The following PACRGL variants were observed in gnomAD, a reference collection of about 807,000 sequenced individuals.
The protein encoded by PACRGL is PACRG-like protein.
In PACRGL, 38 loss-of-function variants were observed where a neutral mutation model predicts 34.5. The observed-to-expected ratio is 1.10, with a 90% CI of 0.85 to 1.44. PACRGL has a LOEUF of 1.44. Among genes scored for constraint, PACRGL ranks in the 40% most tolerant of loss-of-function variants. PACRGL has a pLI of 0.00. For synonymous variants in PACRGL, 128 were observed against 100.1 expected, an observed-to-expected ratio of 1.28 and a Z score of -1.66; for missense variants, 305 against 281.4, an observed-to-expected ratio of 1.08 and a Z score of -0.60.
rs1747703544 is a variant in PACRGL, at chr4:20,730,278, C to G, written c.*2937C>G. 1.0e-6 allele frequency: 1 copy of G among 997,996 alleles called. No individual in the cohort carries two copies. Among genetic ancestry groups the G allele is most frequent in the African/African-American group, 1.7e-5 (1 of 60,402 alleles). The allele number at this position is 997,996 out of a possible 1,614,324, so 61.8% of individuals were successfully genotyped here. A position where few individuals can be genotyped will look rare whatever the true frequency, so the allele number is the denominator to read the frequency against. ...ATTAAGTGTTTGCAAATGTAAATGC[C>G]ATTCTATTCTATCCATTTTCCACAT... On this transcript the variant is annotated 3_prime_UTR_variant, in exon 9 of 9. Transcript: ENST00000503585.
chr4:20,733,084 T>A (rs572800515), downstream of PACRGL, among the ~76,000 whole-genome samples: 1 of 152,332 alleles, frequency 6.6e-6, no homozygotes, highest in East Asian at 1.9e-4. Context: ...TGGATTTCTA[T>A]AGACTTTAAG....
Position 20,749,819 on chromosome 4 carries a change from CAGA to C in PACRGL, c.*57-2741_*57-2739del, listed in dbSNP as rs1490629727. The C allele has an allele frequency of 2.9e-4, 235 of 808,856 alleles. 1 individual carries two copies. The East Asian group carries it at 6.2e-3, about 22-fold the overall frequency. 50.1% of individuals were successfully genotyped at this position (808,856 alleles called of 1,614,324 possible). A position where few individuals can be genotyped will look rare whatever the true frequency, so the allele number is the denominator to read the frequency against. On this transcript the variant is annotated intron_variant, in intron 8 of 8. Coordinates refer to the PACRGL transcript ENST00000507634. ...ATAGCAGTCCAAGCTTCCTTTGATC[CAGA>C]AGAATTAACTCTGCCTCCTTTAGTT...
upstream of PACRGL, among the ~76,000 whole-genome samples, chr4:20,699,234 T>A (rs67471079): frequency 0.15 from 22,329 of 146,738 alleles, 1,977 homozygotes; most frequent in East Asian, 0.33. Context: ...TTTTTTTTTT[T>A]AAAAATTTCT....
intron 8 of PACRGL, among the ~76,000 whole-genome samples, chr4:20,742,925 GACAA>G (rs952047100): frequency 4.5e-4 from 69 of 152,094 alleles, no homozygotes; most frequent in African/African-American, 1.2e-3. Flanking sequence ...ACCAATAATA[GACAA>G]ACAGAGCCAA....
chr4:20,712,239 T>TCTTTTC (rs1236524595), intron 5 of PACRGL, among the ~76,000 whole-genome samples: 1 of 151,854 alleles, frequency 6.6e-6, no homozygotes, highest in East Asian at 1.9e-4. Flanking sequence ...CCATTTCTTT[T>TCTTTTC]CTTTTCCTTT....
chr4:20,735,558 C>G (rs1749424913), downstream of PACRGL, among the ~76,000 whole-genome samples: 1 of 119,334 alleles, frequency 8.4e-6, no homozygotes, highest in South Asian at 2.9e-4. Context: ...GAGATGGAAT[C>G]TCGCACTGTT....
At chr4:20,714,006 T>A (rs1738577527) in intron 7 of PACRGL, among the ~76,000 whole-genome samples, 1 of 152,202 alleles carries the variant, frequency 6.6e-6, no homozygotes, top group Admixed American at 6.5e-5. Context: ...TGTAGATGTC[T>A]ATTAGGTCTG....
intron 8 of PACRGL, chr4:20,749,806 G>GT: frequency 1.1e-6 from 1 of 947,934 alleles, no homozygotes; most frequent in Non-Finnish European, 1.6e-6. Context: ...AGCAGTCCAA[G>GT]CTTCCTTTGA....
intron 8 of PACRGL, 149 bp from the exon 9 acceptor site, chr4:20,727,136 C>A: frequency 1.6e-6 from 1 of 642,002 alleles, no homozygotes; most frequent in Non-Finnish European, 2.7e-6. Context: ...TTATTTAACT[C>A]AGCAAAAAGT....
At chr4:20,713,366 T>C in intron 6 of PACRGL, 66 bp from the exon 7 acceptor site, 1 of 1,270,962 alleles carries the variant, frequency 7.9e-7, no homozygotes, top group Non-Finnish European at 1.1e-6. Context: ...TTCTAACCTA[T>C]CTTTTCTTTC....
chr4:20,709,602 G>T, intron 4 of PACRGL, 81 bp from the exon 5 acceptor site: 1 of 869,888 alleles, frequency 1.1e-6, no homozygotes, highest in South Asian at 1.7e-5. Flanking sequence ...AATCTGATAT[G>T]GTTATACTGT....
chr4:20,754,190 G>T (rs1754114185), downstream of PACRGL, among the ~76,000 whole-genome samples: 1 of 152,060 alleles, frequency 6.6e-6, no homozygotes, highest in Non-Finnish European at 1.5e-5. Flanking sequence ...CCAACAAGAG[G>T]CTTTTGTTCA....
intron 1 of PACRGL, chr4:20,701,818 T>C (rs984760904): frequency 1.3e-5 from 6 of 456,356 alleles, no homozygotes; most frequent in Non-Finnish European, 2.6e-5. Flanking sequence ...TCCGTATCCG[T>C]GGTTGGGTCA....
downstream of PACRGL, among the ~76,000 whole-genome samples, chr4:20,734,230 G>A (rs552243686): frequency 3.3e-5 from 5 of 152,258 alleles, no homozygotes; most frequent in East Asian, 1.9e-4. Flanking sequence ...CCACCATTGC[G>A]TCAGGTCATT....
chr4:20,697,204 T>G (rs1022915954), upstream of PACRGL, among the ~76,000 whole-genome samples: 2 of 152,174 alleles, frequency 1.3e-5, no homozygotes, highest in African/African-American at 4.8e-5. Flanking sequence ...CAAAGTGTGC[T>G]TTGTCAAATT....
chr4:20,758,138 G>C, the PACRGL span, among the ~76,000 whole-genome samples: 8 of 152,108 alleles, frequency 5.3e-5, no homozygotes, highest in African/African-American at 1.9e-4. Flanking sequence ...TTGGGCATCT[G>C]TTAGGTAATT....
chr4:20,761,690 G>T, the PACRGL span, among the ~76,000 whole-genome samples: 5 of 152,136 alleles, frequency 3.3e-5, no homozygotes, highest in Non-Finnish European at 7.4e-5. Context: ...TTTGTTAGCT[G>T]CCTTCAGTCT....
chr4:20,742,565 T>C (rs1174255826), intron 8 of PACRGL, among the ~76,000 whole-genome samples: 1 of 152,064 alleles, frequency 6.6e-6, no homozygotes, highest in Non-Finnish European at 1.5e-5. Flanking sequence ...ATGGGACGTA[T>C]CTCAAAATAA....
At chr4:20,764,131 A>G in the PACRGL span, among the ~76,000 whole-genome samples, 2 of 152,250 alleles carry the variant, frequency 1.3e-5, no homozygotes, top group South Asian at 4.1e-4. Flanking sequence ...TCTATTTTCT[A>G]ATGAAATTTT....
Sources: allele counts gnomAD v4.1 joint callset (sites outside exome capture counted in the v4.1 genomes callset), GRCh38; gene constraint gnomAD v4.1.1; transcripts MANE v1.5; gene names NCBI Gene and HGNC (gene_info 2026-07-23, HGNC 2026-07-21).